Variants in NAV3 observed in about 807,000 individuals in gnomAD.
NAV3 encodes the protein neuron navigator 3.
NAV3 carries 87 observed loss-of-function variants against 244.7 expected under a neutral mutation model. The observed-to-expected ratio is 0.36, with a 90% CI of 0.30 to 0.42. The LOEUF (loss-of-function observed/expected upper bound fraction) is 0.42, where lower values mean the gene tolerates loss of function less well. NAV3 is among the 20% of genes least tolerant of loss of function. The probability of loss-of-function intolerance (pLI) is 1.00; values close to 1 mark genes in which losing one functional copy is unlikely to be tolerated. For synonymous variants in NAV3, 1,126 were observed against 1,042.2 expected (o/e 1.08, Z -1.55); for missense variants, 2,663 against 2,893.3 (o/e 0.92, Z 1.83).
chr12:78,068,503 G>T (rs1952592962), intron 12 of NAV3, among the ~76,000 whole-genome samples: 1 of 150,194 alleles, frequency 6.7e-6, no homozygotes, highest in Non-Finnish European at 1.5e-5. Context: ...TTAAAACACA[G>T]GTGACAGAAC....
At chr12:77,885,706 C>A (rs1883201634) in intron 1 of NAV3, among the ~76,000 whole-genome samples, 1 of 152,088 alleles carries the variant, frequency 6.6e-6, no homozygotes, top group Non-Finnish European at 1.5e-5. Flanking sequence ...TGTTAAGATG[C>A]ACTTCAATAC....
At chr12:78,155,485 A>G (rs567631899) in intron 22 of NAV3, among the ~76,000 whole-genome samples, 49 of 152,208 alleles carry the variant, frequency 3.2e-4, no homozygotes, top group Non-Finnish European at 4.7e-4. Flanking sequence ...AACATAATGC[A>G]TGCAGGTATC....
At chr12:78,137,582 G>A (rs549932575) in intron 19 of NAV3, among the ~76,000 whole-genome samples, 9 of 152,112 alleles carry the variant, frequency 5.9e-5, no homozygotes, top group Admixed American at 2.0e-4. Context: ...TTAATACTTG[G>A]CTGTAGAAGA....
intron 2 of NAV3, among the ~76,000 whole-genome samples, chr12:77,717,050 T>G (rs1311501004): frequency 1.3e-5 from 2 of 152,062 alleles, no homozygotes; most frequent in African/African-American, 4.8e-5. Flanking sequence ...TGCCTGGGCT[T>G]GTGAGTGTGT....
intron 2 of NAV3, among the ~76,000 whole-genome samples, chr12:77,639,110 T>G (rs903108515): frequency 2.0e-5 from 3 of 152,192 alleles, no homozygotes; most frequent in Admixed American, 6.6e-5. Context: ...AAATGCCTGT[T>G]GAGATTATGT....
intron 3 of NAV3, among the ~76,000 whole-genome samples, chr12:77,953,034 A>G (rs954447557): frequency 1.3e-5 from 2 of 152,138 alleles, no homozygotes; most frequent in Non-Finnish European, 2.9e-5. Flanking sequence ...AAACAAAAGA[A>G]TATATCTTCA....
In NAV3 at chr12:77,928,242, A is replaced by AAAAAAAG. The variant is rs753246963; in HGVS notation, c.244-12076_244-12075insAAAAAGA. On this transcript the variant is annotated intron_variant, in intron 1 of 39. Coordinates refer to ENST00000397909, the MANE Select transcript of NAV3 (RefSeq NM_001024383.2). ...CGCCTCAAAAAAAAAAAAAAAAAAAAAGAGAGAGAGGGAAGGAAAATGCTG... is the reference window on the plus strand; with the variant it reads ...CGCCTCAAAAAAAAAAAAAAAAAAAAAAAAAAGAGAGAGAGAGGGAAGGAAAATGCTG... Among the ~76,000 whole-genome samples the AAAAAAAG allele has an allele frequency of 2.1e-3, 295 of 137,790 alleles. 4 individuals are homozygous for AAAAAAAG. The highest frequency in any genetic ancestry group is 4.2e-3 in the African/African-American group (161 of 38,184). 90.4% of individuals were successfully genotyped at this position (137,790 alleles called of 152,430 possible). A position where few individuals can be genotyped will look rare whatever the true frequency, so the allele number is the denominator to read the frequency against.
intron 12 of NAV3, among the ~76,000 whole-genome samples, chr12:78,062,435 A>G (rs544782412): frequency 6.6e-6 from 1 of 152,252 alleles, no homozygotes; most frequent in African/African-American, 2.4e-5. Context: ...GGGGTTGTGT[A>G]CATTTGAAAA....
intron 12 of NAV3, among the ~76,000 whole-genome samples, chr12:78,092,893 T>C (rs989858415): frequency 2.7e-5 from 4 of 150,036 alleles, no homozygotes; most frequent in African/African-American, 9.8e-5. Context: ...TAGACTTTGT[T>C]TCTCCCTGCT....
upstream of NAV3, among the ~76,000 whole-genome samples, chr12:77,830,029 T>G (rs769399258): frequency 4.6e-5 from 7 of 152,238 alleles, 1 homozygote; most frequent in Non-Finnish European, 8.8e-5. Context: ...GTATCCATTT[T>G]CTGAGTGCAA....
At chr12:77,682,417 G>A (rs1037190284) in intron 2 of NAV3, among the ~76,000 whole-genome samples, 1 of 152,132 alleles carries the variant, frequency 6.6e-6, no homozygotes, top group African/African-American at 2.4e-5. Flanking sequence ...TGGATACTTA[G>A]GTTGATTCCA....
chr12:78,123,585 T>C (rs1236931196), intron 16 of NAV3, among the ~76,000 whole-genome samples: 1 of 152,192 alleles, frequency 6.6e-6, no homozygotes, highest in East Asian at 1.9e-4. Flanking sequence ...CTTTACTTCC[T>C]ACTTGCCTAA....
At chr12:77,607,417 A>G (rs1009808527) in intron 2 of NAV3, among the ~76,000 whole-genome samples, 1 of 152,150 alleles carries the variant, frequency 6.6e-6, no homozygotes, top group Non-Finnish European at 1.5e-5. Context: ...AAAAGCAAAC[A>G]TGGAAAAGAC....
At chr12:77,590,682 G>A (rs1869865393) in intron 2 of NAV3, among the ~76,000 whole-genome samples, 1 of 152,260 alleles carries the variant, frequency 6.6e-6, no homozygotes. Flanking sequence ...ACTTGTGGTG[G>A]TTATTATTCA....
At position 78,181,169 on chromosome 12, in the gene NAV3, C is replaced by A. The variant is rs950996457; in HGVS notation, c.5692+124C>A. On this transcript the variant is annotated intron_variant, in intron 30 of 39. Coordinates refer to ENST00000397909, the MANE Select transcript of NAV3 (RefSeq NM_001024383.2). ...TACACTCTAATTCTCAGAAATAGTC[C>A]TAGTTTGATCTTATAAATCTAGTCT... The A allele has an allele frequency of 9.9e-6, 8 of 808,244 alleles. No homozygotes were observed. The African/African-American group carries it at 1.4e-4, about 14-fold the overall frequency. The allele number at this position is 808,244 out of a possible 1,614,324, so 50.1% of individuals were successfully genotyped here.
At chr12:77,940,280 C>A (rs1889740087) in intron 1 of NAV3, 39 bp from the exon 2 acceptor site, 1 of 1,442,592 alleles carries the variant, frequency 6.9e-7, no homozygotes, top group South Asian at 1.2e-5. Context: ...TCTGTTTTCC[C>A]TCACCCCATC....
chr12:77,770,123 G>A lies in NAV3; in HGVS notation c.73-170196G>A, dbSNP rs527253919. Among the ~76,000 whole-genome samples the A allele has an allele frequency of 3.8e-4, 58 of 152,276 alleles. 1 individual carries two copies. In the South Asian group the frequency reaches 0.012, roughly 30 times the overall value. Reference sequence around the variant, plus strand: ...AAATGTAAGGCTAGAGCTCAACAGAGTGCTTGGGGCTAGAGATCCAATTTT... The same window carrying A: ...AAATGTAAGGCTAGAGCTCAACAGAATGCTTGGGGCTAGAGATCCAATTTT... On this transcript the variant is annotated intron_variant, in intron 2 of 8. Transcript: ENST00000550042.
At chr12:77,936,182 A>G (rs992182909) in intron 1 of NAV3, among the ~76,000 whole-genome samples, 1 of 152,228 alleles carries the variant, frequency 6.6e-6, no homozygotes, top group South Asian at 2.1e-4. Context: ...GCTATTGCAT[A>G]ATAGGCCCCA....
chr12:78,175,338 A>T lies in NAV3; in HGVS notation c.5014A>T (p.Ser1672Cys), dbSNP rs1958175542. The change falls in exon 25 of 40, where the codon AGT becomes TGT. Residue 1672 changes from serine (S) to cysteine (C), a missense_variant. Around this residue, in one of 6 missense-constraint regions of NAV3, gnomAD observed 193 missense variants for 200.7 expected, o/e 0.96. Transcript: ENST00000397909. ...CATCAGAAGACAGCATTCCTCTGAA[A>T]GTGTTTCTAGTATCAACAGTGCCAC... Reference protein sequence around the residue: ...LRIRRQHSSESVSSINSATSH... With the variant: ...LRIRRQHSSECVSSINSATSH... 6.2e-7 allele frequency: 1 copy of T among 1,611,542 alleles called. No individual in the cohort carries two copies. Among genetic ancestry groups the T allele is most frequent in the Non-Finnish European group, 8.5e-7 (1 of 1,178,296 alleles).
Sources: allele counts gnomAD v4.1 joint callset (sites outside exome capture counted in the v4.1 genomes callset), GRCh38; gene constraint gnomAD v4.1.1; regional missense constraint gnomAD v4.1.1; transcripts MANE v1.5; gene names NCBI Gene and HGNC (gene_info 2026-07-23, HGNC 2026-07-21).